Variants in FRY observed in about 807,000 individuals in gnomAD.
The protein encoded by FRY is protein furry homolog.
In FRY, 128 loss-of-function variants were observed where a neutral mutation model predicts 348.4. The observed-to-expected ratio is 0.37, with a 90% CI of 0.32 to 0.43. The LOEUF (loss-of-function observed/expected upper bound fraction) is 0.43. Among genes scored for constraint, FRY ranks in the 20% least tolerant of loss-of-function variants. The probability of loss-of-function intolerance (pLI) is 1.00; values close to 1 mark genes in which losing one functional copy is unlikely to be tolerated. For synonymous variants in FRY, 1,370 were observed against 1,374.7 expected, an observed-to-expected ratio of 1.00 and a Z score of 0.08; for missense variants, 2,736 against 3,695.2, an observed-to-expected ratio of 0.74 and a Z score of 6.73.
chr13:32,066,389 G>T (rs1874261932), intron 1 of FRY, among the ~76,000 whole-genome samples: 1 of 152,184 alleles, frequency 6.6e-6, no homozygotes, highest in African/African-American at 2.4e-5. Context: ...ATACTCCAAA[G>T]TCATTTCTGT....
chr13:32,039,550 T>G (rs911462706), intron 1 of FRY, among the ~76,000 whole-genome samples: 8 of 152,178 alleles, frequency 5.3e-5, no homozygotes, highest in Non-Finnish European at 4.4e-5. Flanking sequence ...TAAGTTAAAT[T>G]TAATGATCAG....
At chr13:32,124,135 G>A (rs1878876113) in intron 4 of FRY, 151 bp from the exon 5 acceptor site, 2 of 623,100 alleles carry the variant, frequency 3.2e-6, no homozygotes, top group Non-Finnish European at 5.7e-6. Flanking sequence ...ACTCCGCCCG[G>A]CCAACGTTAG....
intron 29 of FRY, among the ~76,000 whole-genome samples, chr13:32,195,685 A>T (rs1018110861): frequency 6.6e-6 from 1 of 152,238 alleles, no homozygotes; most frequent in African/African-American, 2.4e-5. Flanking sequence ...AATAAATTTA[A>T]CAACATAGTC....
chr13:32,276,092 A>T (rs1229360364), intron 56 of FRY, among the ~76,000 whole-genome samples: 1 of 152,218 alleles, frequency 6.6e-6, no homozygotes, highest in African/African-American at 2.4e-5. Context: ...AATACAAAAT[A>T]AGTTTGAAAG....
intron 36 of FRY, 90 bp from the exon 37 acceptor site, chr13:32,224,145 A>G (rs1483002193): frequency 1.6e-6 from 2 of 1,213,582 alleles, no homozygotes; most frequent in Admixed American, 1.7e-5. Context: ...ACAAGCATAC[A>G]TTTTTAAAAT....
chr13:32,055,621 C>G (rs1431019547), intron 1 of FRY, among the ~76,000 whole-genome samples: 1 of 152,072 alleles, frequency 6.6e-6, no homozygotes, highest in Non-Finnish European at 1.5e-5. Context: ...TCAGACCCCT[C>G]TCCAAAAAAT....
chr13:32,244,165 A>G lies in FRY; in HGVS notation c.6811A>G (p.Ile2271Val), dbSNP rs781469622. The G allele has an allele frequency of 1.3e-5, 21 of 1,613,806 alleles. No homozygotes were observed. The highest frequency in any genetic ancestry group is 1.8e-5 in the Non-Finnish European group (21 of 1,179,746). The change falls in exon 47 of 61, where the codon ATT (isoleucine) becomes GTT (valine). Residue 2271 changes from isoleucine (I) to valine (V), a missense_variant. By Grantham distance (29) the Ile-to-Val change is conservative (BLOSUM62 3). Coordinates refer to ENST00000542859, the MANE Select transcript of FRY (RefSeq NM_023037.3). ...GTTCAATGTGGAAGTTCTGAAGACA[A>G]TTGAAAAATATGTGCAAGTGAGTAC... ...KQFNVEVLKT[I>V]EKYVQSVHWR...
chr13:32,130,448 GTGTT>G (rs1296632380), intron 7 of FRY, among the ~76,000 whole-genome samples: 2 of 123,858 alleles, frequency 1.6e-5, no homozygotes, highest in Non-Finnish European at 3.4e-5. Context: ...TCTTTGGAAA[GTGTT>G]TGTGTGTGTG....
At chr13:32,120,804 G>A (rs1878603623) in intron 4 of FRY, among the ~76,000 whole-genome samples, 1 of 152,212 alleles carries the variant, frequency 6.6e-6, no homozygotes, top group Admixed American at 6.5e-5. Context: ...TGGAACTACA[G>A]GCATGCACCA....
At chr13:32,160,718 C>T (rs898104950) in intron 16 of FRY, among the ~76,000 whole-genome samples, 5 of 151,234 alleles carry the variant, frequency 3.3e-5, no homozygotes, top group Non-Finnish European at 5.9e-5. Context: ...AAGCATAACT[C>T]ATCAGGGAGA....
At position 32,145,535 on chromosome 13, in the gene FRY, T is replaced by TTTTG. The variant is rs1555257803; in HGVS notation, c.1180-1744_1180-1743insGTTT. Among the ~76,000 whole-genome samples the TTTTG allele has an allele frequency of 8.1e-5, 11 of 136,258 alleles. 1 individual carries two copies. The highest frequency in any genetic ancestry group is 4.7e-5 in the Non-Finnish European group (3 of 63,538). The allele number at this position is 136,258 out of a possible 152,430, so 89.4% of individuals were successfully genotyped here. ...CCTCTCTGACTGATTTGTTTTTTTT[T>TTTTG]TTTTTTTTTTTTTTTTTTTTGAGAC... On this transcript the variant is annotated intron_variant, in intron 11 of 60. Coordinates refer to ENST00000542859, the MANE Select transcript of FRY (RefSeq NM_023037.3).
At chr13:32,191,896 G>T (rs1883358128) in intron 28 of FRY, among the ~76,000 whole-genome samples, 1 of 152,100 alleles carries the variant, frequency 6.6e-6, no homozygotes, top group African/African-American at 2.4e-5. Context: ...AGGTTGCGGG[G>T]ATACAAACAT....
At chr13:32,062,180 C>T (rs1873979607) in intron 1 of FRY, among the ~76,000 whole-genome samples, 1 of 150,384 alleles carries the variant, frequency 6.6e-6, no homozygotes, top group Non-Finnish European at 1.5e-5. Context: ...CTTTTTTTTT[C>T]CTCCCAAGGA....
intron 35 of FRY, among the ~76,000 whole-genome samples, chr13:32,212,924 C>G (rs1884766532): frequency 6.6e-6 from 1 of 152,038 alleles, no homozygotes; most frequent in Admixed American, 6.6e-5. Context: ...ATTGCCTTGC[C>G]TATGAACTAC....
intron 29 of FRY, among the ~76,000 whole-genome samples, chr13:32,197,232 T>C (rs1883727350): frequency 6.6e-6 from 1 of 152,230 alleles, no homozygotes; most frequent in Admixed American, 6.5e-5. Flanking sequence ...TGGCATTGTT[T>C]GTATGTTTGT....
chr13:32,063,645 C>T (rs193045337), intron 1 of FRY, among the ~76,000 whole-genome samples: 120 of 152,276 alleles, frequency 7.9e-4, no homozygotes, highest in African/African-American at 2.6e-3. Flanking sequence ...TCAGGCTGGT[C>T]GGCACCCACT....
intron 53 of FRY, 137 bp from the exon 54 acceptor site, chr13:32,265,313 C>G (rs776247091): frequency 1.2e-6 from 1 of 801,036 alleles, no homozygotes; most frequent in South Asian, 1.5e-5. Context: ...ACGGACTATA[C>G]TGTAGCTAGA....
chr13:32,131,968 T>C (rs550233097), intron 8 of FRY, 128 bp downstream of exon 8: 2 of 784,150 alleles, frequency 2.6e-6, no homozygotes, highest in East Asian at 2.5e-5. Flanking sequence ...GTCTAAATAA[T>C]TCATGAAGTC....
Position 32,124,890 on chromosome 13 carries a change from G to T in FRY, c.716+15G>T. The stretch of plus-strand genomic sequence containing the variant: ...GCACAAGCCAAGTAAGTGAATGCCA[G>T]AACCCTTTACCATGAGAACGTGCGT... On this transcript the variant is annotated intron_variant, in intron 7 of 60. Transcript: ENST00000542859. 6.4e-7 allele frequency: 1 copy of T among 1,574,380 alleles called. No homozygotes were observed. The highest frequency in any genetic ancestry group is 1.1e-5 in the South Asian group (1 of 90,302).
Sources: allele counts gnomAD v4.1 joint callset (sites outside exome capture counted in the v4.1 genomes callset), GRCh38; gene constraint gnomAD v4.1.1; transcripts MANE v1.5; gene names NCBI Gene and HGNC (gene_info 2026-07-23, HGNC 2026-07-21).